PPP1R7: variants seen among roughly 807,000 people sequenced by gnomAD.
PPP1R7 encodes the protein protein phosphatase 1 regulatory subunit 22.
In PPP1R7, 18 loss-of-function variants were observed where a neutral mutation model predicts 45.2. The ratio of observed to expected loss-of-function variants is 0.40; its 90% CI spans 0.28 to 0.59. The LOEUF (loss-of-function observed/expected upper bound fraction) is 0.59. Among genes scored for constraint, PPP1R7 ranks in the 20% least tolerant of loss-of-function variants. PPP1R7 has a pLI of 0.46. For synonymous variants in PPP1R7, 181 were observed against 183.4 expected (o/e 0.99, Z 0.11); for missense variants, 314 against 455.8 (o/e 0.69, Z 2.83).
intron 1 of PPP1R7, chr2:241,151,613 T>C: frequency 4.3e-6 from 2 of 469,436 alleles, no homozygotes; most frequent in South Asian, 3.1e-5. Context: ...GTGTTAAGGG[T>C]CTTGGACTTC....
chr2:241,173,148 TG>T (rs1032656562), intron 9 of PPP1R7, among the ~76,000 whole-genome samples: 1 of 151,504 alleles, frequency 6.6e-6, no homozygotes, highest in African/African-American at 2.4e-5. Context: ...GGCACGTGCC[TG>T]TAGTCCCAGC....
chr2:241,173,919 T>TG (rs796143985), intron 9 of PPP1R7, among the ~76,000 whole-genome samples: 154 of 151,928 alleles, frequency 1.0e-3, no homozygotes, highest in African/African-American at 3.3e-3. Flanking sequence ...TGGCTTTATT[T>TG]TTTTTTTTTT....
At chr2:241,176,123 G>C (rs952752962) in intron 9 of PPP1R7, among the ~76,000 whole-genome samples, 89 of 152,300 alleles carry the variant, frequency 5.8e-4, no homozygotes, top group African/African-American at 2.1e-3. Flanking sequence ...GTGGTGTCCA[G>C]GCTGGTCTCA....
intron 9 of PPP1R7, among the ~76,000 whole-genome samples, chr2:241,178,397 G>A (rs1228177171): frequency 6.6e-6 from 1 of 150,924 alleles, no homozygotes; most frequent in East Asian, 2.0e-4. Context: ...ATCAATGAAT[G>A]ATACTAAACC....
chr2:241,150,565 G>T lies in PPP1R7; in HGVS notation c.52+18G>T. ...GATGGAGGGTGAGCGGCCCCTGCGG[G>T]CGGCGGCCCAAGGGCCCAGCGGGCG... is the stretch of plus-strand genomic sequence containing the variant. On this transcript the variant is annotated intron_variant, in intron 1 of 9. Transcript: ENST00000234038. The T allele has an allele frequency of 5.7e-6, 9 of 1,585,438 alleles. No homozygotes were observed. Among genetic ancestry groups the T allele is most frequent in the Non-Finnish European group, 7.7e-6 (9 of 1,168,516 alleles).
At chr2:241,160,545 G>T in intron 6 of PPP1R7, 51 bp downstream of exon 6, 1 of 1,495,294 alleles carries the variant, frequency 6.7e-7, no homozygotes, top group Admixed American at 2.3e-5. Context: ...CAGCTAGCGG[G>T]CTGTGTGTGG....
rs201286308 is a variant in PPP1R7 at position 241,182,688 on chromosome 2, G to T, written c.948G>T (p.Glu316Asp). 2 of 1,614,226 alleles carry T rather than the reference G, an allele frequency of 1.2e-6. No homozygotes were observed. The highest frequency in any genetic ancestry group is 1.7e-6 in the Non-Finnish European group (2 of 1,180,048). ...NLLESWSDLD[E>D]LKGARSLETV... ...TTGAGAGCTGGAGCGACCTCGACGA[G>T]CTGAAGGGAGCCAGGAGCCTGGAGA... The change falls in exon 10 of 10, where the codon GAG (glutamate) becomes GAT (aspartate). Residue 316 changes from glutamate (E) to aspartate (D), a missense_variant. Glu to Asp is a conservative substitution (Grantham distance 45). This residue lies in a region of PPP1R7 where 168 missense variants were observed against 285.3 expected (regional missense o/e 0.59). Transcript: ENST00000234038.
chr2:241,149,643 AAT>A (rs2067188429), upstream of PPP1R7: 1 of 1,540,512 alleles, frequency 6.5e-7, no homozygotes, highest in African/African-American at 1.4e-5. Context: ...GAGCCAAAGG[AAT>A]AATGGGCGCC....
chr2:241,158,975 G>C, intron 4 of PPP1R7: 1 of 510,812 alleles, frequency 2.0e-6, no homozygotes, highest in African/African-American at 1.9e-5. Flanking sequence ...TGCTTGGTGG[G>C]GAGCCTGCCT....
chr2:241,161,821 C>A (rs1330294643), intron 6 of PPP1R7, among the ~76,000 whole-genome samples: 1 of 152,182 alleles, frequency 6.6e-6, no homozygotes, highest in Non-Finnish European at 1.5e-5. Context: ...GGACTTCTCT[C>A]AGCCAGAAGA....
At chr2:241,180,999 G>C (rs1349751931) in intron 9 of PPP1R7, among the ~76,000 whole-genome samples, 2 of 152,192 alleles carry the variant, frequency 1.3e-5, no homozygotes, top group African/African-American at 4.8e-5. Context: ...AGGAGTTCAA[G>C]ACCAGGCTGG....
rs1053293489 is a variant in PPP1R7, at chr2:241,166,469, T to C, written c.819+28T>C. 9.4e-6 allele frequency: 15 copies of C among 1,603,560 alleles called. No homozygotes were observed. In the Admixed American group the frequency reaches 2.4e-4, roughly 25 times the overall value. On this transcript the variant is annotated intron_variant, in intron 8 of 9. Coordinates refer to ENST00000234038, the MANE Select transcript of PPP1R7 (RefSeq NM_002712.3). Reference sequence around the variant, plus strand: ...AAGACACCCACTGTCTGTCTGGGGCTGTGTGGGCGGTGGGCACCAGGCGGG... The same window carrying C: ...AAGACACCCACTGTCTGTCTGGGGCCGTGTGGGCGGTGGGCACCAGGCGGG...
At chr2:241,158,177 T>C (rs977267402) in intron 3 of PPP1R7, among the ~76,000 whole-genome samples, 2 of 152,140 alleles carry the variant, frequency 1.3e-5, no homozygotes, top group Non-Finnish European at 2.9e-5. Flanking sequence ...CCACAGCGTG[T>C]CTCTGATGGT....
chr2:241,167,722 G>C (rs1408573348), intron 8 of PPP1R7, among the ~76,000 whole-genome samples: 1 of 151,910 alleles, frequency 6.6e-6, no homozygotes. Flanking sequence ...TTAAACACCA[G>C]ATTATTCTTG....
chr2:241,172,479 TA>T (rs764952059), intron 9 of PPP1R7, among the ~76,000 whole-genome samples: 4 of 151,976 alleles, frequency 2.6e-5, no homozygotes, highest in Non-Finnish European at 4.4e-5. Flanking sequence ...ACCCTGTCTC[TA>T]CTAAAAATGC....
intron 7 of PPP1R7, among the ~76,000 whole-genome samples, chr2:241,165,813 G>A (rs571379714): frequency 2.3e-4 from 35 of 150,956 alleles, no homozygotes; most frequent in African/African-American, 7.8e-4. Context: ...TAGCCAGGAT[G>A]GTCTCGATCT....
At chr2:241,159,187 C>A in intron 4 of PPP1R7, 26 bp from the exon 5 acceptor site, 1 of 1,610,844 alleles carries the variant, frequency 6.2e-7, no homozygotes, top group South Asian at 1.1e-5. Flanking sequence ...TTGCCTGTGT[C>A]AATTGTCCCT....
At chr2:241,182,622 G>A (rs12465895) in intron 9 of PPP1R7, 25 bp from the exon 10 acceptor site, 3 of 1,612,664 alleles carry the variant, frequency 1.9e-6, no homozygotes, top group Non-Finnish European at 8.5e-7. Context: ...GGTTCTAAAG[G>A]CTTTTCTGCT....
At chr2:241,166,517 A>G in intron 8 of PPP1R7, 76 bp downstream of exon 8, 1 of 1,264,106 alleles carries the variant, frequency 7.9e-7, no homozygotes, top group Non-Finnish European at 1.1e-6. Flanking sequence ...CAGCCAGCAC[A>G]CACTGGCCTC....
Sources: allele counts gnomAD v4.1 joint callset (sites outside exome capture counted in the v4.1 genomes callset), GRCh38; gene constraint gnomAD v4.1.1; regional missense constraint gnomAD v4.1.1; transcripts MANE v1.5; gene names NCBI Gene and HGNC (gene_info 2026-07-23, HGNC 2026-07-21).